The following GALNT13 variants were observed in gnomAD, a reference collection of about 807,000 sequenced individuals.
GALNT13 encodes UDP-GalNAc:polypeptide N-acetylgalactosaminyltransferase 13.
In GALNT13, 28 loss-of-function variants were observed where a neutral mutation model predicts 64.2. That is an observed-to-expected ratio of 0.44 (90% CI 0.32 to 0.60). The LOEUF (loss-of-function observed/expected upper bound fraction) is 0.60. Among genes scored for constraint, GALNT13 ranks in the 20% least tolerant of loss-of-function variants. GALNT13 has a pLI of 0.05. For synonymous variants in GALNT13, 214 were observed against 224.6 expected (o/e 0.95, Z 0.42); for missense variants, 577 against 669.8 (o/e 0.86, Z 1.53).
At chr2:154,212,677 C>CT (rs1395250215) in intron 4 of GALNT13, among the ~76,000 whole-genome samples, 5 of 152,050 alleles carry the variant, frequency 3.3e-5, no homozygotes, top group South Asian at 2.1e-4. Flanking sequence ...TCCCACTTTC[C>CT]TTTCTCCTTC....
the GALNT13 span, among the ~76,000 whole-genome samples, chr2:153,820,921 G>C: frequency 1.1e-3 from 168 of 152,128 alleles, no homozygotes; most frequent in African/African-American, 3.9e-3. Flanking sequence ...CAAAGTAGTA[G>C]TCAGATAAAA....
chr2:153,765,410 G>A, the GALNT13 span, among the ~76,000 whole-genome samples: 1 of 152,168 alleles, frequency 6.6e-6, no homozygotes, highest in African/African-American at 2.4e-5. Context: ...GCCCTATTGG[G>A]TTTTGGACTT....
the GALNT13 span, among the ~76,000 whole-genome samples, chr2:153,301,972 T>C: frequency 1.3e-5 from 2 of 152,042 alleles, no homozygotes; most frequent in South Asian, 4.1e-4. Flanking sequence ...GTTGATTCCA[T>C]ATCTTGGCTA....
chr2:153,725,612 GA>G, the GALNT13 span, among the ~76,000 whole-genome samples: 1 of 151,962 alleles, frequency 6.6e-6, no homozygotes, highest in Admixed American at 6.5e-5. Flanking sequence ...ATTTTAAGAA[GA>G]TTTTTTGGAA....
chr2:154,363,188 G>C (rs1329354710), intron 9 of GALNT13, among the ~76,000 whole-genome samples: 2 of 152,032 alleles, frequency 1.3e-5, no homozygotes, highest in Non-Finnish European at 2.9e-5. Context: ...AACCCAATAG[G>C]CTTGGTAAGC....
At chr2:153,880,402 T>G (rs1686702323) in intron 1 of GALNT13, among the ~76,000 whole-genome samples, 1 of 152,144 alleles carries the variant, frequency 6.6e-6, no homozygotes, top group Non-Finnish European at 1.5e-5. Flanking sequence ...TAGACCGATG[T>G]TTGATTAAAT....
intron 3 of GALNT13, among the ~76,000 whole-genome samples, chr2:154,052,412 A>G (rs1574415066): frequency 6.6e-6 from 1 of 152,204 alleles, no homozygotes; most frequent in Non-Finnish European, 1.5e-5. Flanking sequence ...CACCAGTTCA[A>G]GTGTACTCTC....
intron 8 of GALNT13, among the ~76,000 whole-genome samples, chr2:154,300,094 T>TCC (rs1310240905): frequency 8.9e-5 from 6 of 67,298 alleles, no homozygotes; most frequent in Non-Finnish European, 1.7e-4. Context: ...TTTCTTTCTT[T>TCC]CTCTCTTTTT....
chr2:154,106,551 A>G (rs1323257422), intron 3 of GALNT13, among the ~76,000 whole-genome samples: 1 of 151,942 alleles, frequency 6.6e-6, no homozygotes, highest in Admixed American at 6.6e-5. Context: ...TCTTCTGCCT[A>G]ATACCAGAGT....
chr2:153,941,824 G>C (rs1174935645), intron 2 of GALNT13, among the ~76,000 whole-genome samples: 2 of 152,094 alleles, frequency 1.3e-5, no homozygotes, highest in African/African-American at 4.8e-5. Flanking sequence ...TACAAGCAGA[G>C]TCTGTTTCAT....
At chr2:154,170,254 C>T (rs887775458) in intron 4 of GALNT13, among the ~76,000 whole-genome samples, 1 of 152,132 alleles carries the variant, frequency 6.6e-6, no homozygotes, top group Non-Finnish European at 1.5e-5. Context: ...CTTCCTTACT[C>T]AGTCCACTGA....
At chr2:154,158,449 A>C (rs1300435403) in intron 4 of GALNT13, among the ~76,000 whole-genome samples, 2 of 152,172 alleles carry the variant, frequency 1.3e-5, no homozygotes, top group African/African-American at 4.8e-5. Flanking sequence ...GAATCATTGT[A>C]GCAATCTACT....
At chr2:153,847,400 GCA>G in the GALNT13 span, among the ~76,000 whole-genome samples, 127,429 of 149,996 alleles carry the variant, frequency 0.85, 55,298 homozygotes, top group Non-Finnish European at 0.94. Context: ...GTGCTCATGC[GCA>G]CACACACACA....
intron 2 of GALNT13, among the ~76,000 whole-genome samples, chr2:153,922,957 C>T (rs147479459): frequency 0.034 from 5,090 of 151,798 alleles, 127 homozygotes; most frequent in Non-Finnish European, 0.048. Flanking sequence ...TGGAGTGCAG[C>T]GGTGTGATCT....
At chr2:153,158,016 A>T in the GALNT13 span, among the ~76,000 whole-genome samples, 1 of 152,192 alleles carries the variant, frequency 6.6e-6, no homozygotes, top group East Asian at 1.9e-4. Context: ...AATAAGAAAA[A>T]TACCAATTGT....
At chr2:153,699,201 A>G in the GALNT13 span, among the ~76,000 whole-genome samples, 4 of 152,156 alleles carry the variant, frequency 2.6e-5, no homozygotes, top group Non-Finnish European at 4.4e-5. Context: ...AAAAATACAC[A>G]ACTACATGGA....
chr2:153,650,970 G>T, the GALNT13 span, among the ~76,000 whole-genome samples: 1 of 152,114 alleles, frequency 6.6e-6, no homozygotes, highest in Admixed American at 6.6e-5. Flanking sequence ...TTATCTGATT[G>T]CTGTGAGAGA....
downstream of GALNT13, chr2:154,454,738 A>G (rs1702008446): frequency 6.6e-6 from 1 of 152,186 alleles, no homozygotes; most frequent in Non-Finnish European, 1.5e-5. Context: ...CTTTAAAATA[A>G]TACAAGCACT....
chr2:154,202,456 G>A (rs1202494035), intron 4 of GALNT13, among the ~76,000 whole-genome samples: 1 of 151,932 alleles, frequency 6.6e-6, no homozygotes, highest in Non-Finnish European at 1.5e-5. Context: ...ATTCTTAAGT[G>A]GACACTTTAC....
Sources: allele counts gnomAD v4.1 joint callset (sites outside exome capture counted in the v4.1 genomes callset), GRCh38; gene constraint gnomAD v4.1.1; transcripts MANE v1.5; gene names NCBI Gene and HGNC (gene_info 2026-07-23, HGNC 2026-07-21).